The following ADAMTS17 variants were observed in gnomAD, a reference collection of about 807,000 sequenced individuals.
ADAMTS17 encodes the protein ADAM metallopeptidase with thrombospondin type 1 motif 17, also known as A disintegrin and metalloproteinase with thrombospondin motifs 17.
Under a neutral mutation model 141.5 loss-of-function variants are expected in ADAMTS17, and 113 were observed. The ratio of observed to expected loss-of-function variants is 0.80; its 90% confidence interval spans 0.69 to 0.93. The LOEUF is 0.93. ADAMTS17 is among the 40% of genes least tolerant of loss of function. The pLI is 0.00. For synonymous variants in ADAMTS17, 768 were observed against 630.6 expected, an observed-to-expected ratio of 1.22 and a Z score of -3.27; for missense variants, 1,659 against 1,517.9, an observed-to-expected ratio of 1.09 and a Z score of -1.54.
At chr15:100,221,792 C>T (rs1185975828) in intron 7 of ADAMTS17, among the ~76,000 whole-genome samples, 5 of 152,208 alleles carry the variant, frequency 3.3e-5, no homozygotes, top group Admixed American at 6.5e-5. Context: ...ATTCCATTTA[C>T]TTCCAAGAAC....
chr15:99,976,789 A>G (rs1052706621), intron 20 of ADAMTS17, among the ~76,000 whole-genome samples: 6 of 152,140 alleles, frequency 3.9e-5, no homozygotes, highest in East Asian at 3.9e-4. Context: ...CACCTCCAGA[A>G]CTGTAAGGAA....
At position 99,976,071 on chromosome 15, in the gene ADAMTS17, G is replaced by A. The variant is rs1432610700; in HGVS notation, c.3101C>T (p.Ala1034Val). 6.4e-7 allele frequency: 1 copy of A among 1,551,554 alleles called. No individual in the cohort carries two copies. ...YQEVCNDRIN[A>V]NTITSPRLAA... ...AAGGCGGGGGGAGGTGATGGTGTTG[G>A]CGTTGATCCTGTCGTTGCAGACCTC... Residue 1034 changes from alanine (A) to valine (V), a missense_variant, in exon 21 of 22, where the codon GCC (alanine) becomes GTC (valine). Coordinates refer to ENST00000268070, the MANE Select transcript of ADAMTS17 (RefSeq NM_139057.4).
intron 18 of ADAMTS17, among the ~76,000 whole-genome samples, chr15:100,041,709 G>A (rs921404207): frequency 6.6e-6 from 1 of 152,184 alleles, no homozygotes; most frequent in Admixed American, 6.5e-5. Context: ...TCTGCCATGC[G>A]TGTCAGACTC....
intron 20 of ADAMTS17, among the ~76,000 whole-genome samples, chr15:99,989,351 G>A (rs999182059): frequency 6.6e-5 from 10 of 152,294 alleles, no homozygotes; most frequent in East Asian, 1.9e-4. Flanking sequence ...CTCCTGCCCC[G>A]GACCCCTGTG....
At chr15:100,100,962 T>C (rs568191878) in intron 14 of ADAMTS17, among the ~76,000 whole-genome samples, 1 of 150,798 alleles carries the variant, frequency 6.6e-6, no homozygotes, top group South Asian at 2.1e-4. Context: ...CTCAGCCAGG[T>C]GGGCAACCAG....
chr15:100,038,257 C>G (rs2030931843), intron 18 of ADAMTS17, among the ~76,000 whole-genome samples: 1 of 152,242 alleles, frequency 6.6e-6, no homozygotes, highest in Non-Finnish European at 1.5e-5. Flanking sequence ...GCCACACTGT[C>G]TGGATCACTA....
intron 8 of ADAMTS17, among the ~76,000 whole-genome samples, chr15:100,190,615 G>T (rs1490267350): frequency 1.3e-5 from 2 of 152,218 alleles, no homozygotes; most frequent in Non-Finnish European, 2.9e-5. Context: ...CCCAAGAGGG[G>T]CAGGTCTGGA....
Position 99,976,073 on chromosome 15 carries a change from G to A in ADAMTS17, c.3099C>T (p.Asn1033=), listed in dbSNP as rs374725364. 84 of 1,551,416 alleles carry A rather than the reference G, an allele frequency of 5.4e-5. No individual in the cohort carries two copies. The highest frequency in any genetic ancestry group is 2.9e-4 in the East Asian group (12 of 40,956). ...GGCGGGGGGAGGTGATGGTGTTGGCGTTGATCCTGTCGTTGCAGACCTCCT... is the reference window on the plus strand; with the variant it reads ...GGCGGGGGGAGGTGATGGTGTTGGCATTGATCCTGTCGTTGCAGACCTCCT... ...CYQEVCNDRI[N]ANTITSPRLA... Residue 1033 remains asparagine, a synonymous_variant, in exon 21 of 22, where the codon AAC becomes AAT. Transcript: ENST00000268070.
At chr15:99,998,408 G>A (rs2060848994) in intron 18 of ADAMTS17, among the ~76,000 whole-genome samples, 1 of 152,086 alleles carries the variant, frequency 6.6e-6, no homozygotes, top group South Asian at 2.1e-4. Flanking sequence ...ATCGAGACCA[G>A]CCTGGCCAAC....
intron 20 of ADAMTS17, among the ~76,000 whole-genome samples, chr15:99,989,050 G>C (rs772097679): frequency 3.3e-5 from 5 of 152,206 alleles, no homozygotes; most frequent in African/African-American, 1.2e-4. Context: ...ACCATCTACA[G>C]GACGCCCCTT....
At chr15:100,120,783 A>T (rs2037412910) in intron 12 of ADAMTS17, among the ~76,000 whole-genome samples, 1 of 152,246 alleles carries the variant, frequency 6.6e-6, no homozygotes, top group Admixed American at 6.5e-5. Flanking sequence ...GCATTCTAAG[A>T]TTTGAATGTC....
intron 8 of ADAMTS17, among the ~76,000 whole-genome samples, chr15:100,160,505 T>C (rs2039641067): frequency 6.6e-6 from 1 of 152,206 alleles, no homozygotes; most frequent in African/African-American, 2.4e-5. Flanking sequence ...GGTTATCAAA[T>C]GAAAGGGGCT....
intron 15 of ADAMTS17, among the ~76,000 whole-genome samples, chr15:100,059,936 T>C (rs1019640184): frequency 1.3e-5 from 2 of 152,228 alleles, no homozygotes; most frequent in Non-Finnish European, 1.5e-5. Flanking sequence ...CCCTCAAACC[T>C]TGGGCATCAG....
At chr15:100,330,766 A>G (rs2046026586) in intron 3 of ADAMTS17, 123 bp downstream of exon 3, 5 of 1,292,984 alleles carry the variant, frequency 3.9e-6, no homozygotes, top group Middle Eastern at 2.6e-4. Context: ...GGGCAATAAA[A>G]CAGCTTTTGA....
intron 7 of ADAMTS17, among the ~76,000 whole-genome samples, chr15:100,240,337 C>T (rs1037703542): frequency 3.3e-5 from 5 of 152,226 alleles, no homozygotes; most frequent in Non-Finnish European, 7.3e-5. Flanking sequence ...CCTTCAGCAA[C>T]GTCAGGAATG....
At chr15:100,238,340 A>G (rs1288932558) in intron 7 of ADAMTS17, among the ~76,000 whole-genome samples, 1 of 152,060 alleles carries the variant, frequency 6.6e-6, no homozygotes, top group East Asian at 1.9e-4. Flanking sequence ...GTACTTACTG[A>G]CTTCACATGA....
intron 7 of ADAMTS17, among the ~76,000 whole-genome samples, chr15:100,212,710 T>C (rs2041847055): frequency 2.0e-5 from 3 of 152,124 alleles, no homozygotes; most frequent in African/African-American, 7.2e-5. Flanking sequence ...TAACCAAAAA[T>C]GCTTTGTAGA....
intron 20 of ADAMTS17, among the ~76,000 whole-genome samples, chr15:99,986,574 G>C (rs967364439): frequency 4.6e-5 from 7 of 152,186 alleles, no homozygotes; most frequent in Non-Finnish European, 5.9e-5. Context: ...GCACCAGGGG[G>C]TCAACGATCA....
chr15:99,976,600 C>T, intron 20 of ADAMTS17: 1 of 381,556 alleles, frequency 2.6e-6, no homozygotes. Context: ...AGGTGGGTGG[C>T]TTTGGGAGGT....
Sources: gnomAD v4.1 joint callset for allele counts (sites outside exome capture counted in the v4.1 genomes callset) on GRCh38, gnomAD v4.1.1 for gene constraint, MANE v1.5 for transcripts, NCBI Gene and HGNC (gene_info 2026-07-23, HGNC 2026-07-21) for gene names.